The following KCNIP4 variants were observed in gnomAD, a reference collection of about 807,000 sequenced individuals.
KCNIP4 encodes the protein Kv channel-interacting protein 4.
In KCNIP4, 12 loss-of-function variants were observed where a neutral mutation model predicts 34.0. That is an observed-to-expected ratio of 0.35 (90% confidence interval 0.23 to 0.57). KCNIP4 has a LOEUF of 0.57. KCNIP4 is among the 20% of genes least tolerant of loss of function. KCNIP4 has a pLI of 0.83. For synonymous variants in KCNIP4, 124 were observed against 102.2 expected (o/e 1.21, Z -1.29); for missense variants, 238 against 311.7 (o/e 0.76, Z 1.78).
intron 1 of KCNIP4, among the ~76,000 whole-genome samples, chr4:21,905,616 C>T (rs140429033): frequency 0.025 from 3,794 of 152,110 alleles, 75 homozygotes; most frequent in Middle Eastern, 0.075. Flanking sequence ...GACAAAAAAC[C>T]AAACACCGGA....
intron 1 of KCNIP4, among the ~76,000 whole-genome samples, chr4:21,340,015 T>A (rs374519448): frequency 3.2e-4 from 48 of 152,314 alleles, no homozygotes; most frequent in East Asian, 2.1e-3. Context: ...GTTATCTTTG[T>A]AAGGTGACTT....
At chr4:20,918,573 T>G (rs1001438518) in intron 1 of KCNIP4, among the ~76,000 whole-genome samples, 6 of 152,246 alleles carry the variant, frequency 3.9e-5, no homozygotes, top group Admixed American at 2.6e-4. Context: ...CAACACATAA[T>G]TAAGAAATTC....
intron 1 of KCNIP4, among the ~76,000 whole-genome samples, chr4:21,605,713 T>A (rs542129425): frequency 1.3e-5 from 2 of 152,256 alleles, no homozygotes; most frequent in East Asian, 3.9e-4. Flanking sequence ...ATTCCTGACC[T>A]CAGGTGATCG....
chr4:20,766,478 C>T (rs980030526), intron 3 of KCNIP4, among the ~76,000 whole-genome samples: 1 of 152,092 alleles, frequency 6.6e-6, no homozygotes, highest in African/African-American at 2.4e-5. Context: ...AGGCAGGAGA[C>T]TCACTTGAAT....
chr4:21,025,638 C>T (rs1740494376), intron 1 of KCNIP4, among the ~76,000 whole-genome samples: 1 of 141,934 alleles, frequency 7.0e-6, no homozygotes, highest in African/African-American at 2.6e-5. Context: ...ACTGCCAGCT[C>T]TGCCTCCCGG....
chr4:21,564,146 A>G (rs1739663217), intron 1 of KCNIP4, among the ~76,000 whole-genome samples: 1 of 152,120 alleles, frequency 6.6e-6, no homozygotes, highest in Admixed American at 6.6e-5. Flanking sequence ...ATCCTGCTCT[A>G]TTATTCTCTT....
chr4:21,066,144 C>T (rs1162399722), intron 1 of KCNIP4, among the ~76,000 whole-genome samples: 1 of 152,082 alleles, frequency 6.6e-6, no homozygotes, highest in Non-Finnish European at 1.5e-5. Flanking sequence ...GGATCAACAA[C>T]ACCGGTGGGA....
chr4:21,799,311 G>A (rs947211131), intron 1 of KCNIP4, among the ~76,000 whole-genome samples: 29 of 152,228 alleles, frequency 1.9e-4, no homozygotes, highest in Admixed American at 1.3e-4. Context: ...ATTATCTCTA[G>A]TAAATGACAG....
intron 1 of KCNIP4, among the ~76,000 whole-genome samples, chr4:21,480,280 T>C (rs1222495299): frequency 2.0e-5 from 3 of 152,076 alleles, no homozygotes; most frequent in East Asian, 1.9e-4. Context: ...ATTCATGTAA[T>C]TGTACAAACT....
intron 1 of KCNIP4, among the ~76,000 whole-genome samples, chr4:21,908,461 C>A (rs961434450): frequency 2.0e-5 from 3 of 152,166 alleles, no homozygotes; most frequent in Non-Finnish European, 4.4e-5. Context: ...CCTTGTAATA[C>A]AGGCAAGCCC....
intron 1 of KCNIP4, among the ~76,000 whole-genome samples, chr4:21,032,209 T>C (rs1741084678): frequency 6.6e-6 from 1 of 152,178 alleles, no homozygotes; most frequent in South Asian, 2.1e-4. Flanking sequence ...AGCTTTTCTA[T>C]TTCTTTCTTA....
chr4:21,379,047 T>C (rs1721234030), intron 1 of KCNIP4, among the ~76,000 whole-genome samples: 1 of 152,204 alleles, frequency 6.6e-6, no homozygotes, highest in South Asian at 2.1e-4. Context: ...TATCTATGCA[T>C]GAGCAATATA....
At chr4:21,462,184 T>G (rs927281149) in intron 1 of KCNIP4, among the ~76,000 whole-genome samples, 3 of 152,152 alleles carry the variant, frequency 2.0e-5, no homozygotes, top group African/African-American at 7.2e-5. Context: ...TGAACCATTT[T>G]CTACCCATTC....
chr4:21,312,359 T>C (rs562778512), intron 1 of KCNIP4, among the ~76,000 whole-genome samples: 53 of 152,298 alleles, frequency 3.5e-4, no homozygotes, highest in Admixed American at 6.5e-4. Flanking sequence ...GAGATTCTCA[T>C]TTCATAGGTC....
At chr4:21,024,070 C>T (rs1362183717) in intron 1 of KCNIP4, among the ~76,000 whole-genome samples, 1 of 152,104 alleles carries the variant, frequency 6.6e-6, no homozygotes, top group Non-Finnish European at 1.5e-5. Flanking sequence ...CAAAGAGTTA[C>T]CCATTATCTA....
intron 1 of KCNIP4, among the ~76,000 whole-genome samples, chr4:20,956,320 C>T (rs1476209663): frequency 2.0e-5 from 3 of 152,016 alleles, no homozygotes; most frequent in African/African-American, 7.2e-5. Context: ...CTGGCTAACA[C>T]ACTGAAACCC....
intron 1 of KCNIP4, among the ~76,000 whole-genome samples, chr4:21,252,955 T>C (rs1760822787): frequency 6.6e-6 from 1 of 152,016 alleles, no homozygotes; most frequent in East Asian, 1.9e-4. Flanking sequence ...AGAATAATAC[T>C]TGCTATCTAC....
At chr4:21,381,363 TA>T (rs1302432325) in intron 1 of KCNIP4, among the ~76,000 whole-genome samples, 2 of 152,306 alleles carry the variant, frequency 1.3e-5, no homozygotes, top group East Asian at 3.9e-4. Flanking sequence ...TTGTAATGAT[TA>T]GCAATGACAC....
chr4:21,141,025 C>T (rs1439850556), intron 1 of KCNIP4, among the ~76,000 whole-genome samples: 1 of 152,172 alleles, frequency 6.6e-6, no homozygotes, highest in Non-Finnish European at 1.5e-5. Context: ...TTTCTAGACC[C>T]TGGCAATAAA....
Sources: allele counts gnomAD v4.1 joint callset (sites outside exome capture counted in the v4.1 genomes callset), GRCh38; gene constraint gnomAD v4.1.1; transcripts MANE v1.5; gene names NCBI Gene and HGNC (gene_info 2026-07-23, HGNC 2026-07-21).